The following NSD2 variants were observed in gnomAD, a reference collection of about 807,000 sequenced individuals.
NSD2 encodes histone-lysine N-methyltransferase NSD2.
In NSD2, 12 loss-of-function variants were observed where a neutral mutation model predicts 139.0. The observed-to-expected ratio is 0.09, with a 90% CI of 0.06 to 0.14. The LOEUF (loss-of-function observed/expected upper bound fraction) is 0.14. NSD2 is among the 10% of genes least tolerant of loss of function. The probability of loss-of-function intolerance (pLI) is 1.00; values close to 1 mark genes in which losing one functional copy is unlikely to be tolerated. For synonymous variants in NSD2, 669 were observed against 648.7 expected, an observed-to-expected ratio of 1.03 and a Z score of -0.48; for missense variants, 1,155 against 1,745.0, an observed-to-expected ratio of 0.66 and a Z score of 6.02.
chr4:1,881,826 C>T (rs1714727275), intron 1 of NSD2, among the ~76,000 whole-genome samples: 1 of 152,162 alleles, frequency 6.6e-6, no homozygotes, highest in Admixed American at 6.5e-5. Context: ...GGAAAGACTT[C>T]CTGATGGGAT....
intron 8 of NSD2, chr4:1,939,315 T>G: frequency 3.5e-6 from 1 of 289,568 alleles, no homozygotes; most frequent in Non-Finnish European, 6.7e-6. Context: ...GACTTTATGT[T>G]TAGAGATTTG....
At chr4:1,932,004 G>A (rs1311907209) in intron 6 of NSD2, among the ~76,000 whole-genome samples, 1 of 152,182 alleles carries the variant, frequency 6.6e-6, no homozygotes, top group Non-Finnish European at 1.5e-5. Flanking sequence ...AGTGACAGTT[G>A]AGTTTCTGCC....
In NSD2 at chr4:1,981,346, C is replaced by T. The variant is rs1002352699; in HGVS notation, c.*2437C>T. 4.3e-6 allele frequency: 1 copy of T among 233,356 alleles called. No individual in the cohort carries two copies. Among genetic ancestry groups the T allele is most frequent in the African/African-American group, 2.2e-5 (1 of 45,358 alleles). The allele number at this position is 233,356 out of a possible 1,614,324, so 14.5% of individuals were successfully genotyped here. A position where few individuals can be genotyped will look rare whatever the true frequency, so the allele number is the denominator to read the frequency against. ...TCGCCACTGGGGCTGACCACGCCCC[C>T]AGCTGTGACCGTGGGTGTGGCTGGC... On this transcript the variant is annotated 3_prime_UTR_variant, in exon 22 of 22. Transcript: ENST00000508803.
intron 7 of NSD2, among the ~76,000 whole-genome samples, chr4:1,936,549 T>C (rs761132766): frequency 7.3e-5 from 11 of 151,070 alleles, no homozygotes; most frequent in Non-Finnish European, 1.3e-4. Context: ...TGCATGCCTG[T>C]AATCTCAGCT....
Position 1,969,138 on chromosome 4 carries a change from A to C in NSD2, c.3373-5725A>C, listed in dbSNP as rs1425863442. Among the ~76,000 whole-genome samples, 5 of 152,288 alleles carry C rather than the reference A, an allele frequency of 3.3e-5. No homozygotes were observed. In the East Asian group the frequency reaches 9.6e-4, roughly 29 times the overall value. On this transcript the variant is annotated intron_variant, in intron 18 of 21. Transcript: ENST00000508803. ...CTGGGGCCTGCCCCCAGCGGCGCTG[A>C]GAGTTGAAAGGGAGCAGTGGGAAAA...
intron 1 of NSD2, among the ~76,000 whole-genome samples, chr4:1,878,650 G>A (rs1284022103): frequency 1.3e-5 from 2 of 152,082 alleles, no homozygotes; most frequent in Non-Finnish European, 2.9e-5. Flanking sequence ...TCAGTACTTC[G>A]TATGCCTTAG....
At chr4:1,876,740 G>A (rs1359230084) in intron 1 of NSD2, among the ~76,000 whole-genome samples, 2 of 151,786 alleles carry the variant, frequency 1.3e-5, no homozygotes, top group Non-Finnish European at 2.9e-5. Context: ...CCTAGTGGGT[G>A]TGTAGAAAAA....
chr4:1,929,179 C>T (rs1721324671), intron 5 of NSD2, among the ~76,000 whole-genome samples: 1 of 151,952 alleles, frequency 6.6e-6, no homozygotes, highest in East Asian at 1.9e-4. Flanking sequence ...GAGTGGAGCA[C>T]ATGACTCATC....
intron 1 of NSD2, among the ~76,000 whole-genome samples, chr4:1,897,809 TAG>T (rs1193428506): frequency 6.6e-6 from 1 of 152,044 alleles, no homozygotes; most frequent in Non-Finnish European, 1.5e-5. Flanking sequence ...GTATTTTTAG[TAG>T]AGTTGTGGTT....
intron 5 of NSD2, among the ~76,000 whole-genome samples, chr4:1,921,875 G>T (rs527646806): frequency 1.3e-5 from 2 of 151,992 alleles, no homozygotes; most frequent in Non-Finnish European, 2.9e-5. Flanking sequence ...TAGGCCGGGC[G>T]CGGTGGCTCA....
rs1203166315 is a variant in NSD2, at chr4:1,872,633, A to AGAGAGAGAGC, written c.-30+1094_-30+1095insAGAGAGCGAG. ...GAGAGAGAGAGAGAGAGAGAGAGAGAGAGCGCGCAGACCCTGTGAAGACAA... is the reference window on the plus strand; with the variant it reads ...GAGAGAGAGAGAGAGAGAGAGAGAGAGAGAGAGAGCGAGCGCGCAGACCCTGTGAAGACAA... On this transcript the variant is annotated intron_variant, in intron 1 of 21. Coordinates refer to ENST00000508803, the MANE Select transcript of NSD2 (RefSeq NM_001042424.3). Among the ~76,000 whole-genome samples the AGAGAGAGAGC allele has an allele frequency of 8.4e-5, 11 of 131,108 alleles. No homozygotes were observed. In the South Asian group the frequency reaches 1.0e-3, roughly 12 times the overall value. 86.0% of individuals were successfully genotyped at this position (131,108 alleles called of 152,430 possible).
chr4:1,927,315 G>A (rs879757609), intron 5 of NSD2, among the ~76,000 whole-genome samples: 1 of 152,142 alleles, frequency 6.6e-6, no homozygotes, highest in Non-Finnish European at 1.5e-5. Context: ...CAGTAGTGGG[G>A]GCTTGAGCTC....
chr4:1,893,543 G>GT (rs774429583), intron 1 of NSD2, among the ~76,000 whole-genome samples: 1,328 of 121,286 alleles, frequency 0.011, 9 homozygotes, highest in South Asian at 0.022. Context: ...TTTGTTTTTT[G>GT]TTTTTTTTTT....
intron 7 of NSD2, 44 bp from the exon 8 acceptor site, chr4:1,938,407 T>A: frequency 8.2e-7 from 1 of 1,213,278 alleles, no homozygotes; most frequent in Non-Finnish European, 1.1e-6. Flanking sequence ...TTTTCTTTTT[T>A]TTTTCTTTCT....
At chr4:1,946,845 C>A in intron 9 of NSD2, 2 of 1,057,852 alleles carry the variant, frequency 1.9e-6, no homozygotes, top group Non-Finnish European at 2.3e-6. Flanking sequence ...GCCCGACAGG[C>A]CTCATCTTTT....
At chr4:1,960,491 A>T (rs887865752) in intron 17 of NSD2, among the ~76,000 whole-genome samples, 4 of 152,194 alleles carry the variant, frequency 2.6e-5, no homozygotes, top group African/African-American at 9.7e-5. Flanking sequence ...GGACTGAGAG[A>T]CATGTAGAAC....
chr4:1,979,937 G>A lies in NSD2; in HGVS notation c.*1028G>A, dbSNP rs1336550229. The A allele has an allele frequency of 1.3e-5, 3 of 231,964 alleles. No homozygotes were observed. Among genetic ancestry groups the A allele is most frequent in the African/African-American group, 4.4e-5 (2 of 45,278 alleles). 14.4% of individuals were successfully genotyped at this position (231,964 alleles called of 1,614,324 possible). A position where few individuals can be genotyped will look rare whatever the true frequency, so the allele number is the denominator to read the frequency against. On this transcript the variant is annotated 3_prime_UTR_variant, in exon 22 of 22. Transcript: ENST00000508803. ...AGCCCCGTAGGGCGCTGCAGGCCCC[G>A]GGGACCCCAGCACGTGGGTCTAAAG... is the stretch of plus-strand genomic sequence containing the variant.
chr4:1,943,368 C>G, intron 9 of NSD2: 2 of 1,043,098 alleles, frequency 1.9e-6, no homozygotes, highest in Non-Finnish European at 2.3e-6. Context: ...CTTAGGGTGC[C>G]TGGCCAGGAC....
At chr4:1,970,239 C>T (rs1726315354) in intron 18 of NSD2, among the ~76,000 whole-genome samples, 6 of 152,186 alleles carry the variant, frequency 3.9e-5, no homozygotes, top group Admixed American at 3.9e-4. Context: ...AACAAAAAGC[C>T]TAAATTGCTT....
Sources: gnomAD v4.1 joint callset for allele counts (sites outside exome capture counted in the v4.1 genomes callset) on GRCh38, gnomAD v4.1.1 for gene constraint, MANE v1.5 for transcripts, NCBI Gene and HGNC (gene_info 2026-07-23, HGNC 2026-07-21) for gene names.